HS6ST2: variants seen among roughly 807,000 people sequenced by gnomAD.
The protein encoded by HS6ST2 is heparan sulfate 6-O-sulfotransferase 2, also known as heparan-sulfate 6-O-sulfotransferase 2.
A neutral mutation model predicts 33.0 loss-of-function variants in HS6ST2; 17 were observed. The observed-to-expected ratio is 0.52, with a 90% CI of 0.35 to 0.77. The LOEUF (loss-of-function observed/expected upper bound fraction) is 0.77, where lower values mean the gene tolerates loss of function less well. Ranked by LOEUF, HS6ST2 falls within the 30% of genes least tolerant of loss-of-function variation. The probability of loss-of-function intolerance (pLI) is 0.01; values close to 1 mark genes in which losing one functional copy is unlikely to be tolerated. For missense variants in HS6ST2, 519 were observed against 551.7 expected, an observed-to-expected ratio of 0.94 and a Z score of 0.59; for synonymous variants, 248 against 237.1, an observed-to-expected ratio of 1.05 and a Z score of -0.42.
At chrX:132,798,940 C>T (rs112504324) in intron 2 of HS6ST2, among the ~76,000 whole-genome samples, 6 of 112,081 alleles carry the variant, frequency 5.4e-5, no homozygotes, top group African/African-American at 1.9e-4. Context: ...TCCCTCATGT[C>T]TATGTCCCCA....
At chrX:132,898,579 G>A (rs1384243470) in intron 2 of HS6ST2, among the ~76,000 whole-genome samples, 3 of 109,283 alleles carry the variant, frequency 2.7e-5, no homozygotes, top group Admixed American at 9.9e-5. Flanking sequence ...AAAAAAAAAT[G>A]GCTTTCAGAC....
intron 4 of HS6ST2, among the ~76,000 whole-genome samples, chrX:132,666,124 T>C (rs2063808096): frequency 9.0e-6 from 1 of 111,559 alleles, no homozygotes; most frequent in Admixed American, 9.5e-5. Context: ...CCCTCTGGAG[T>C]GACCGACTTG....
At chrX:132,897,057 T>C (rs963621543) in intron 2 of HS6ST2, among the ~76,000 whole-genome samples, 2 of 111,537 alleles carry the variant, frequency 1.8e-5, no homozygotes, top group Non-Finnish European at 3.8e-5. Context: ...GAACATGACA[T>C]TTAAAGGCAG....
intron 4 of HS6ST2, among the ~76,000 whole-genome samples, chrX:132,654,293 G>A (rs1237004804): frequency 1.8e-5 from 2 of 111,215 alleles, no homozygotes; most frequent in East Asian, 2.8e-4. Context: ...AATATTAAAT[G>A]TATGCAGCTT....
chrX:132,852,375 T>C (rs1396579023), intron 2 of HS6ST2, among the ~76,000 whole-genome samples: 1 of 111,815 alleles, frequency 8.9e-6, no homozygotes, highest in African/African-American at 3.3e-5. Context: ...ATTCCATTTA[T>C]TGGGGTTTAC....
intron 2 of HS6ST2, among the ~76,000 whole-genome samples, chrX:132,746,097 T>C (rs5933183): frequency 0.5 from 55,094 of 110,442 alleles, 10,180 homozygotes; most frequent in Middle Eastern, 0.57. Context: ...CCCAGGATCC[T>C]ACGGTACACG....
At chrX:132,676,310 G>C (rs984850809) in intron 3 of HS6ST2, among the ~76,000 whole-genome samples, 2 of 112,091 alleles carry the variant, frequency 1.8e-5, no homozygotes, top group Non-Finnish European at 3.8e-5. Context: ...CCCGCCGGCA[G>C]GTGGCCCCAA....
intron 2 of HS6ST2, among the ~76,000 whole-genome samples, chrX:132,942,503 C>T (rs1329989661): frequency 8.9e-6 from 1 of 112,090 alleles, no homozygotes; most frequent in African/African-American, 3.2e-5. Context: ...AGAGAATGGT[C>T]ACTCCTATGG....
At chrX:132,737,540 G>A (rs186403296) in intron 2 of HS6ST2, among the ~76,000 whole-genome samples, 1 of 111,623 alleles carries the variant, frequency 9.0e-6, no homozygotes, top group Non-Finnish European at 1.9e-5. Context: ...GGTGGGGAGA[G>A]ATGGTCAGGA....
At chrX:132,763,574 G>C (rs963767862) in intron 2 of HS6ST2, among the ~76,000 whole-genome samples, 8 of 112,192 alleles carry the variant, frequency 7.1e-5, no homozygotes, top group African/African-American at 2.6e-4. Context: ...GAGCTTTTAA[G>C]ATGGCCTTGT....
chrX:132,949,114 C>A (rs934915508), intron 2 of HS6ST2, among the ~76,000 whole-genome samples: 2 of 111,040 alleles, frequency 1.8e-5, no homozygotes, highest in African/African-American at 6.6e-5. Flanking sequence ...GTGAACTCTC[C>A]TTTTCTGCTG....
chrX:132,851,706 G>GA (rs2065803270), intron 2 of HS6ST2, among the ~76,000 whole-genome samples: 1 of 110,950 alleles, frequency 9.0e-6, no homozygotes, highest in South Asian at 3.8e-4. Flanking sequence ...GATTTGGGGG[G>GA]AAAGTGAAAA....
chrX:132,652,815 CA>C (rs1214134243), intron 4 of HS6ST2, among the ~76,000 whole-genome samples: 2 of 110,422 alleles, frequency 1.8e-5, no homozygotes, highest in Admixed American at 2.0e-4. Context: ...TCAGTGTGAT[CA>C]AATTAAAACA....
At chrX:132,814,980 G>A (rs989961153) in intron 2 of HS6ST2, among the ~76,000 whole-genome samples, 2 of 111,733 alleles carry the variant, frequency 1.8e-5, no homozygotes, top group Non-Finnish European at 3.8e-5. Context: ...TACCCTTTAT[G>A]CTTCATACAT....
intron 2 of HS6ST2, among the ~76,000 whole-genome samples, chrX:132,833,512 C>T (rs943437739): frequency 2.9e-4 from 32 of 111,889 alleles, no homozygotes; most frequent in African/African-American, 9.7e-4. Context: ...TCTTCCTGAT[C>T]TGATCAGTAT....
chrX:132,632,753 G>T (rs971559224), intron 4 of HS6ST2, among the ~76,000 whole-genome samples: 5 of 110,561 alleles, frequency 4.5e-5, no homozygotes, highest in African/African-American at 1.6e-4. Flanking sequence ...TAAGACAAGG[G>T]TTTCTGCAGC....
intron 2 of HS6ST2, among the ~76,000 whole-genome samples, chrX:132,944,115 G>T (rs772187404): frequency 9.0e-6 from 1 of 111,509 alleles, no homozygotes; most frequent in Non-Finnish European, 1.9e-5. Flanking sequence ...AAACCCCATC[G>T]TCTCAGCCCA....
intron 2 of HS6ST2, among the ~76,000 whole-genome samples, chrX:132,922,388 A>G (rs2066660997): frequency 8.9e-6 from 1 of 112,101 alleles, no homozygotes; most frequent in African/African-American, 3.2e-5. Context: ...CAGGTGCCCA[A>G]TGATGCCGGT....
intron 2 of HS6ST2, among the ~76,000 whole-genome samples, chrX:132,852,903 G>A (rs934999838): frequency 2.7e-5 from 3 of 111,946 alleles, no homozygotes; most frequent in African/African-American, 9.7e-5. Context: ...GATCATCCCT[G>A]AAATCTTGGA....
Sources: gnomAD v4.1 joint callset for allele counts (sites outside exome capture counted in the v4.1 genomes callset) on GRCh38, gnomAD v4.1.1 for gene constraint, MANE v1.5 for transcripts, NCBI Gene and HGNC (gene_info 2026-07-23, HGNC 2026-07-21) for gene names.